Variants in CPEB3 observed in about 807,000 individuals in gnomAD.
CPEB3 encodes cytoplasmic polyadenylation element binding protein 3.
Under a neutral mutation model 67.2 loss-of-function variants are expected in CPEB3, and 20 were observed. The ratio of observed to expected loss-of-function variants is 0.30; its 90% confidence interval spans 0.21 to 0.43. The LOEUF is 0.43. Among genes scored for constraint, CPEB3 ranks in the 20% least tolerant of loss-of-function variants. CPEB3 has a pLI of 1.00. For missense variants in CPEB3, 746 were observed against 968.6 expected (o/e 0.77, Z 3.05); for synonymous variants, 376 against 393.1 (o/e 0.96, Z 0.51).
At chr10:92,154,344 G>T (rs894083663) in intron 4 of CPEB3, among the ~76,000 whole-genome samples, 1 of 149,752 alleles carries the variant, frequency 6.7e-6, no homozygotes, top group African/African-American at 2.5e-5. Context: ...ATATAATTGG[G>T]TATTTTTAAA....
intron 7 of CPEB3, among the ~76,000 whole-genome samples, chr10:92,105,474 A>C (rs138222861): frequency 3.0e-4 from 45 of 152,156 alleles, no homozygotes; most frequent in African/African-American, 1.1e-3. Flanking sequence ...TGAAATTTTT[A>C]TTCCCTATAC....
chr10:92,239,685 C>T lies in CPEB3; in HGVS notation c.666G>A (p.Ser222=), dbSNP rs1200495647. Residue 222 remains serine (S), a synonymous_variant, in exon 2 of 10, where the codon TCG becomes TCA. Transcript: ENST00000265997. This position sits in a 1 kb window ranked among gnomAD's most constrained non-coding sequence, Gnocchi z 6.0. ...HQPIMTSKPS[S]SSAVAAAAAA... is the part of the protein sequence containing the mutation. The stretch of plus-strand genomic sequence containing the variant: ...CAGCAGCGGCTGCAACCGCCGAAGA[C>T]GAGGACGGCTTGCTGGTCATGATGG... 8 of 1,570,094 alleles carry T rather than the reference C, an allele frequency of 5.1e-6. No individual in the cohort carries two copies. The African/African-American group carries it at 6.8e-5, about 13-fold the overall frequency.
intron 3 of CPEB3, among the ~76,000 whole-genome samples, chr10:92,186,487 T>G (rs1590334210): frequency 6.6e-6 from 1 of 150,542 alleles, no homozygotes; most frequent in African/African-American, 2.4e-5. Context: ...CAGGCTGGAG[T>G]GCAGTGGCAC....
chr10:92,151,878 A>G (rs904325657), intron 4 of CPEB3, among the ~76,000 whole-genome samples: 1 of 152,108 alleles, frequency 6.6e-6, no homozygotes, highest in Non-Finnish European at 1.5e-5. Context: ...CTCCAACTCC[A>G]CTGCCATCAC....
At chr10:92,107,675 C>A (rs756859997) in intron 7 of CPEB3, among the ~76,000 whole-genome samples, 1 of 151,986 alleles carries the variant, frequency 6.6e-6, no homozygotes, top group Non-Finnish European at 1.5e-5. Context: ...TTCTGATATG[C>A]CTGGGATACC....
intron 1 of CPEB3, among the ~76,000 whole-genome samples, chr10:92,288,348 T>C (rs1447229686): frequency 6.6e-6 from 1 of 151,296 alleles, no homozygotes; most frequent in Non-Finnish European, 1.5e-5. Context: ...TAGTCCTAGC[T>C]ACTTGGGGGG....
chr10:92,114,142 C>T (rs963978656), intron 6 of CPEB3, among the ~76,000 whole-genome samples: 5 of 152,180 alleles, frequency 3.3e-5, no homozygotes, highest in Non-Finnish European at 7.3e-5. Context: ...ACAATTTCTT[C>T]TAACTCTACT....
intron 1 of CPEB3, among the ~76,000 whole-genome samples, chr10:92,245,802 C>T (rs1590519090): frequency 6.6e-6 from 1 of 152,040 alleles, no homozygotes; most frequent in Non-Finnish European, 1.5e-5. Flanking sequence ...TTTGGGAGGC[C>T]GAGGCGGCTG....
chr10:92,217,367 G>T (rs1044772623), intron 2 of CPEB3, among the ~76,000 whole-genome samples: 1 of 151,464 alleles, frequency 6.6e-6, no homozygotes, highest in Non-Finnish European at 1.5e-5. Flanking sequence ...ATATTTAATT[G>T]ATTTATCAAT....
chr10:92,088,290 A>G (rs1273544911), intron 8 of CPEB3, among the ~76,000 whole-genome samples: 4 of 147,562 alleles, frequency 2.7e-5, no homozygotes, highest in African/African-American at 1.0e-4. Context: ...CACTGATGCA[A>G]TCTCAGCTCA....
At chr10:92,122,254 T>A (rs548658397) in intron 6 of CPEB3, among the ~76,000 whole-genome samples, 1 of 152,316 alleles carries the variant, frequency 6.6e-6, no homozygotes, top group African/African-American at 2.4e-5. Context: ...CAGAGGCTGA[T>A]TACTTTTCCA....
chr10:92,080,939 T>C (rs923266142), intron 9 of CPEB3, among the ~76,000 whole-genome samples: 2 of 152,168 alleles, frequency 1.3e-5, no homozygotes, highest in Non-Finnish European at 2.9e-5. Flanking sequence ...ATCTCATACA[T>C]ACTCCTGAAT....
chr10:92,115,660 A>C (rs1844985633), intron 6 of CPEB3, among the ~76,000 whole-genome samples: 1 of 152,138 alleles, frequency 6.6e-6, no homozygotes, highest in African/African-American at 2.4e-5. Context: ...TCCTGCGTTA[A>C]ATTCTACATT....
intron 9 of CPEB3, among the ~76,000 whole-genome samples, chr10:92,066,225 A>G (rs1043063483): frequency 3.9e-5 from 6 of 152,198 alleles, no homozygotes; most frequent in Non-Finnish European, 7.3e-5. Context: ...CTAGGAAAAG[A>G]GCAGCACTAA....
At chr10:92,195,642 T>A (rs1386995426) in intron 2 of CPEB3, among the ~76,000 whole-genome samples, 4 of 152,182 alleles carry the variant, frequency 2.6e-5, no homozygotes, top group African/African-American at 9.7e-5. Flanking sequence ...TCTGAAGACA[T>A]GAGAGTGTTT....
At chr10:92,154,986 A>G (rs1313465014) in intron 4 of CPEB3, among the ~76,000 whole-genome samples, 4 of 152,180 alleles carry the variant, frequency 2.6e-5, no homozygotes, top group Admixed American at 1.3e-4. Flanking sequence ...AGATGGGCAG[A>G]TGGCTTGAGG....
At chr10:92,055,979 T>C (rs891042038) in intron 9 of CPEB3, among the ~76,000 whole-genome samples, 5 of 152,160 alleles carry the variant, frequency 3.3e-5, no homozygotes, top group Admixed American at 2.0e-4. Flanking sequence ...GATTGTGTCA[T>C]TGTACTCCAG....
intron 3 of CPEB3, among the ~76,000 whole-genome samples, chr10:92,185,759 G>T (rs964899407): frequency 2.0e-5 from 3 of 152,184 alleles, no homozygotes; most frequent in African/African-American, 7.2e-5. Flanking sequence ...ATATTCTACT[G>T]GGTTTTATTT....
chr10:92,050,665 G>T lies in CPEB3; in HGVS notation c.*1547C>A, dbSNP rs1841868504. 1 of 152,382 alleles carries T rather than the reference G, an allele frequency of 6.6e-6. No homozygotes were observed. The highest frequency in any genetic ancestry group is 1.5e-5 in the Non-Finnish European group (1 of 68,038). The allele number at this position is 152,382 out of a possible 1,614,324, so 9.4% of individuals were successfully genotyped here. A position where few individuals can be genotyped will look rare whatever the true frequency, so the allele number is the denominator to read the frequency against. ...TAACAGGATAAATCCAGGGAATTAAGTAGTTAGTTTCTCACTCAGACAACC... is the reference window on the plus strand; with the variant it reads ...TAACAGGATAAATCCAGGGAATTAATTAGTTAGTTTCTCACTCAGACAACC... On this transcript the variant is annotated 3_prime_UTR_variant, in exon 10 of 10. Coordinates refer to ENST00000265997, the MANE Select transcript of CPEB3 (RefSeq NM_014912.5).
Sources: gnomAD v4.1 joint callset for allele counts (sites outside exome capture counted in the v4.1 genomes callset) on GRCh38, gnomAD v4.1.1 for gene constraint, Gnocchi (gnomAD v3.1) non-coding constraint, MANE v1.5 for transcripts, NCBI Gene and HGNC (gene_info 2026-07-23, HGNC 2026-07-21) for gene names.